The following CARS2 variants were observed in gnomAD, a reference collection of about 807,000 sequenced individuals.
CARS2 encodes the protein probable cysteine--tRNA ligase, mitochondrial.
CARS2 carries 52 observed loss-of-function variants against 68.8 expected under a neutral mutation model. That is an observed-to-expected ratio of 0.76 (90% CI 0.61 to 0.95). The LOEUF (loss-of-function observed/expected upper bound fraction) is 0.95, where lower values mean the gene tolerates loss of function less well. CARS2 is among the 40% of genes least tolerant of loss of function. The probability of loss-of-function intolerance (pLI) is 0.00; values close to 1 mark genes in which losing one functional copy is unlikely to be tolerated. For missense variants in CARS2, 780 were observed against 754.2 expected, an observed-to-expected ratio of 1.03 and a Z score of -0.40; for synonymous variants, 314 against 303.6, an observed-to-expected ratio of 1.03 and a Z score of -0.36.
intron 5 of CARS2, among the ~76,000 whole-genome samples, chr13:110,686,025 A>AT (rs2063294481): frequency 6.6e-6 from 1 of 151,936 alleles, no homozygotes. Flanking sequence ...AAAGAAAAAA[A>AT]GAAAGAGGAG....
Position 110,705,240 on chromosome 13 carries a change from C to T in CARS2, c.275+281G>A, listed in dbSNP as rs1279828821. On this transcript the variant is annotated intron_variant, in intron 2 of 14. Coordinates refer to ENST00000257347, the MANE Select transcript of CARS2 (RefSeq NM_024537.4). This position sits in a 1 kb window ranked among gnomAD's most constrained non-coding sequence, Gnocchi z 4.0. ...GCAGGACCCCGGGACCCCGCAAAGG[C>T]CTCTTGATGTCACTAAACCCAGCAA... Among the ~76,000 whole-genome samples, 1 of 152,144 alleles carries T rather than the reference C, an allele frequency of 6.6e-6. No individual in the cohort carries two copies. The highest frequency in any genetic ancestry group is 1.9e-4 in the East Asian group (1 of 5,202).
intron 3 of CARS2, among the ~76,000 whole-genome samples, chr13:110,697,276 T>G (rs2063650032): frequency 6.6e-6 from 1 of 152,234 alleles, no homozygotes; most frequent in African/African-American, 2.4e-5. Flanking sequence ...ATCACGCACC[T>G]GCCTTCTAAA....
chr13:110,644,534 T>G, intron 12 of CARS2, 51 bp from the exon 13 acceptor site: 1 of 1,605,890 alleles, frequency 6.2e-7, no homozygotes, highest in Non-Finnish European at 8.5e-7. Context: ...TTGATGGCAG[T>G]GGGCAAACGG....
intron 13 of CARS2, chr13:110,643,905 G>A (rs756129982): frequency 6.2e-5 from 18 of 289,498 alleles, no homozygotes; most frequent in Admixed American, 9.2e-5. Context: ...GCCTGGCAGC[G>A]TCCACCTTCA....
chr13:110,649,800 A>T (rs548890508), intron 10 of CARS2, among the ~76,000 whole-genome samples: 3 of 152,238 alleles, frequency 2.0e-5, no homozygotes, highest in Admixed American at 2.0e-4. Flanking sequence ...TCTCCAGAGG[A>T]CACTGGCCCT....
At chr13:110,678,827 G>A (rs917541886) in intron 6 of CARS2, among the ~76,000 whole-genome samples, 6 of 152,192 alleles carry the variant, frequency 3.9e-5, no homozygotes, top group African/African-American at 1.4e-4. Flanking sequence ...AAGCGGACCT[G>A]GAGACGGTGG....
chr13:110,692,982 C>T (rs971761948), intron 3 of CARS2, among the ~76,000 whole-genome samples: 2 of 149,500 alleles, frequency 1.3e-5, no homozygotes, highest in East Asian at 4.0e-4. Flanking sequence ...TGGTGGTGGG[C>T]GCCTGTAATC....
In CARS2 at chr13:110,646,874, CT is replaced by C. The variant is rs543680079; in HGVS notation, c.1193+226del. ...TGGGGAGCCCCTGACCCCACACCTC[CT>C]GTCCAGCTCCCAGTCCCCTGTGGCC... On this transcript the variant is annotated intron_variant, in intron 11 of 14. Transcript: ENST00000257347. The C allele has an allele frequency of 8.0e-4, 406 of 506,182 alleles. 3 individuals carry two copies. In the East Asian group the frequency reaches 0.012, roughly 15 times the overall value. The allele number at this position is 506,182 out of a possible 1,614,324, so 31.4% of individuals were successfully genotyped here.
chr13:110,702,640 G>A (rs2063822069), intron 2 of CARS2, among the ~76,000 whole-genome samples: 1 of 152,232 alleles, frequency 6.6e-6, no homozygotes, highest in Non-Finnish European at 1.5e-5. Context: ...TCCCGGAACT[G>A]CCCTTGGAGA....
chr13:110,667,575 A>G, intron 7 of CARS2, 102 bp from the exon 8 acceptor site: 1 of 1,039,204 alleles, frequency 9.6e-7, no homozygotes, highest in Non-Finnish European at 1.4e-6. Flanking sequence ...TTCAATGAAT[A>G]AATGGATCTC....
intron 10 of CARS2, 139 bp downstream of exon 10, chr13:110,650,895 C>T: frequency 1.5e-6 from 1 of 662,588 alleles, no homozygotes; most frequent in Non-Finnish European, 2.6e-6. Context: ...TCACTCTCAA[C>T]CCGAACCGTA....
At chr13:110,661,726 G>A (rs2062507050) in intron 9 of CARS2, among the ~76,000 whole-genome samples, 2 of 152,062 alleles carry the variant, frequency 1.3e-5, no homozygotes, top group Admixed American at 1.3e-4. Context: ...CCTTTCACTT[G>A]AACACTTAGA....
Position 110,641,442 on chromosome 13 carries a change from C to T in CARS2, c.*95G>A. 9.7e-7 allele frequency: 1 copy of T among 1,029,092 alleles called. No individual in the cohort carries two copies. The highest frequency in any genetic ancestry group is 1.5e-6 in the Non-Finnish European group (1 of 650,898). The allele number at this position is 1,029,092 out of a possible 1,614,324, so 63.7% of individuals were successfully genotyped here. ...TTGGTTGCCTTACTTTAATGCTGAC[C>T]TAGCAGCCCCGACAGGAAGCTTTAA... On this transcript the variant is annotated 3_prime_UTR_variant, in exon 15 of 15. Coordinates refer to ENST00000257347, the MANE Select transcript of CARS2 (RefSeq NM_024537.4).
rs540808298 is a variant in CARS2, at chr13:110,656,712, G to A, written c.988-5612C>T. Among the ~76,000 whole-genome samples the A allele has an allele frequency of 8.0e-4, 121 of 152,106 alleles. 1 individual carries two copies. Among genetic ancestry groups the A allele is most frequent in the Non-Finnish European group, 1.2e-3 (84 of 67,986 alleles). ...ATCCTGGCTAACATGGTGAAACCCC[G>A]TCTCTACTAAAAATACAAAAAATTA... On this transcript the variant is annotated intron_variant, in intron 9 of 14. Coordinates refer to ENST00000257347, the MANE Select transcript of CARS2 (RefSeq NM_024537.4).
Position 110,687,711 on chromosome 13 carries a change from T to C in CARS2, c.571+10A>G. ...AAAAAAGAAAAAAAAAAAAAGAACA[T>C]AAACCCTACCTTTTGCCGTTGAATA... On this transcript the variant is annotated intron_variant, in intron 5 of 14. Transcript: ENST00000257347. 8.1e-7 allele frequency: 1 copy of C among 1,236,390 alleles called. No homozygotes were observed. Among genetic ancestry groups the C allele is most frequent in the Non-Finnish European group, 1.1e-6 (1 of 877,648 alleles). The allele number at this position is 1,236,390 out of a possible 1,614,324, so 76.6% of individuals were successfully genotyped here. A position where few individuals can be genotyped will look rare whatever the true frequency, so the allele number is the denominator to read the frequency against.
intron 9 of CARS2, chr13:110,663,084 C>T (rs1400638086): frequency 1.7e-5 from 8 of 477,006 alleles, no homozygotes; most frequent in Admixed American, 1.6e-4. Context: ...CTAAACAAAT[C>T]CCAAAGCCAC....
upstream of CARS2, among the ~76,000 whole-genome samples, chr13:110,707,058 CCT>C (rs1400573096): frequency 6.6e-6 from 1 of 151,790 alleles, no homozygotes; most frequent in African/African-American, 2.4e-5. Context: ...AGTGTGCACC[CCT>C]AATACACTGT....
At chr13:110,675,122 A>C (rs1282894365) in intron 7 of CARS2, among the ~76,000 whole-genome samples, 1 of 152,208 alleles carries the variant, frequency 6.6e-6, no homozygotes, top group Non-Finnish European at 1.5e-5. Context: ...ACTGTAAACT[A>C]GTTCAACCAT....
upstream of CARS2, among the ~76,000 whole-genome samples, chr13:110,709,072 T>C (rs558476057): frequency 3.9e-4 from 58 of 147,774 alleles, no homozygotes; most frequent in African/African-American, 1.3e-3. Context: ...AATTCTCTTT[T>C]CTCTTTTTTC....
Sources: gnomAD v4.1 joint callset for allele counts (sites outside exome capture counted in the v4.1 genomes callset) on GRCh38, gnomAD v4.1.1 for gene constraint, Gnocchi (gnomAD v3.1) non-coding constraint, MANE v1.5 for transcripts, NCBI Gene and HGNC (gene_info 2026-07-23, HGNC 2026-07-21) for gene names.